C2orf66: variants seen among roughly 807,000 people sequenced by gnomAD.
C2orf66 encodes chromosome 2 open reading frame 66, also known as uncharacterized protein C2orf66.
Under a neutral mutation model 7.0 loss-of-function variants are expected in C2orf66, and 6 were observed. The observed-to-expected ratio is 0.86, with a 90% CI of 0.47 to 1.69. C2orf66 has a LOEUF of 1.69. C2orf66 is among the 40% of genes most tolerant of loss of function. The pLI is 0.01. For synonymous variants in C2orf66, 38 were observed against 43.8 expected (o/e 0.87, Z 0.52); for missense variants, 107 against 112.0 (o/e 0.96, Z 0.20).
In C2orf66 at chr2:196,804,466, C is replaced by CT. The variant is rs1699797872; in HGVS notation, c.*961_*962insA. ...TTCATATACAATATCAATAATCCAC[C>CT]CAAAAAAGCCACATTAAAATATTTT... On this transcript the variant is annotated 3_prime_UTR_variant, in exon 3 of 3. Coordinates refer to ENST00000342506, the MANE Select transcript of C2orf66 (RefSeq NM_213608.3). Among the ~76,000 whole-genome samples, 2 of 152,090 alleles carry CT rather than the reference C, an allele frequency of 1.3e-5. No individual in the cohort carries two copies. The highest frequency in any genetic ancestry group is 2.9e-5 in the Non-Finnish European group (2 of 68,026).
upstream of C2orf66, chr2:196,809,359 G>C (rs560611721): frequency 2.5e-6 from 4 of 1,613,132 alleles, no homozygotes; most frequent in Non-Finnish European, 3.4e-6. Context: ...CTGAGTGAAA[G>C]AGGGGATGCG....
chr2:196,820,734 G>T, the C2orf66 span, among the ~76,000 whole-genome samples: 1 of 152,162 alleles, frequency 6.6e-6, no homozygotes, highest in Non-Finnish European at 1.5e-5. Flanking sequence ...TCTGTGAAAG[G>T]ATTCTGAGAT....
the C2orf66 span, among the ~76,000 whole-genome samples, chr2:196,818,922 A>G: frequency 1.4e-3 from 217 of 152,302 alleles, no homozygotes; most frequent in African/African-American, 5.0e-3. Context: ...TCTCCTTCTC[A>G]TGGTATCTGG....
chr2:196,806,858 C>T (rs927208081), intron 2 of C2orf66, among the ~76,000 whole-genome samples: 4 of 151,750 alleles, frequency 2.6e-5, no homozygotes, highest in Non-Finnish European at 4.4e-5. Context: ...TCTACCTCAA[C>T]AACAACAAAA....
upstream of C2orf66, among the ~76,000 whole-genome samples, chr2:196,811,317 G>A (rs1436117408): frequency 6.6e-6 from 1 of 152,198 alleles, no homozygotes; most frequent in Non-Finnish European, 1.5e-5. Context: ...GGTTATTCTG[G>A]TTGCAGTGGG....
chr2:196,809,286 C>G lies in C2orf66; in HGVS notation c.51G>C (p.Gly17=). Residue 17 remains glycine, a synonymous_variant, in exon 1 of 3, where the codon GGG becomes GGC. Coordinates refer to ENST00000342506, the MANE Select transcript of C2orf66 (RefSeq NM_213608.3). ...LLLCVALVLL[G]HVNGATVRNE... ...TTCTTACTGTGGCTCCATTCACATG[C>G]CCAAGCAGCACCAGGGCAACACATA... The G allele has an allele frequency of 6.2e-7, 1 of 1,614,076 alleles. No individual in the cohort carries two copies. Among genetic ancestry groups the G allele is most frequent in the Non-Finnish European group, 8.5e-7 (1 of 1,180,002 alleles).
In C2orf66 at chr2:196,807,585, C is replaced by A. The variant is rs1699831748; in HGVS notation, c.161G>T (p.Gly54Val). Residue 54 changes from glycine to valine, a missense_variant, in exon 2 of 3, where the codon GGT (glycine) becomes GTT (valine). Physicochemically the swap from Gly to Val is moderately radical, Grantham distance 109. Coordinates refer to ENST00000342506, the MANE Select transcript of C2orf66 (RefSeq NM_213608.3). Reference protein sequence around the residue: ...RRLQAYFKGRGLDLGTFPNPF... With the variant: ...RRLQAYFKGRVLDLGTFPNPF... Reference sequence around the variant, plus strand: ...ATTTGGAAATGTTCCAAGATCAAGACCTCTGCCCTTAAAATATGCCTGAAG... The same window carrying A: ...ATTTGGAAATGTTCCAAGATCAAGAACTCTGCCCTTAAAATATGCCTGAAG... The A allele has an allele frequency of 1.2e-6, 2 of 1,613,256 alleles. No homozygotes were observed.
chr2:196,808,197 G>C (rs537812188), intron 1 of C2orf66, among the ~76,000 whole-genome samples: 21 of 152,328 alleles, frequency 1.4e-4, no homozygotes, highest in Admixed American at 1.2e-3. Context: ...GCTCCTGCCA[G>C]AACAAGGCTA....
At chr2:196,806,209 T>C (rs537591479) in intron 2 of C2orf66, among the ~76,000 whole-genome samples, 1 of 152,226 alleles carries the variant, frequency 6.6e-6, no homozygotes, top group Admixed American at 6.5e-5. Context: ...CTTGTTCTTA[T>C]TTTTTTGAGA....
At chr2:196,817,925 G>A in the C2orf66 span, among the ~76,000 whole-genome samples, 2 of 152,012 alleles carry the variant, frequency 1.3e-5, no homozygotes, top group Non-Finnish European at 2.9e-5. Flanking sequence ...CTGTTATTCT[G>A]TTCTTTTTCA....
chr2:196,809,149 T>C, intron 1 of C2orf66, 65 bp downstream of exon 1: 1 of 1,471,236 alleles, frequency 6.8e-7, no homozygotes, highest in Non-Finnish European at 9.2e-7. Flanking sequence ...AACAGAATGC[T>C]GTGTGCGTAA....
chr2:196,819,497 T>G, the C2orf66 span, among the ~76,000 whole-genome samples: 1 of 152,112 alleles, frequency 6.6e-6, no homozygotes, highest in Non-Finnish European at 1.5e-5. Flanking sequence ...AGATTTCCAG[T>G]CTCCAGAACT....
At chr2:196,812,599 A>G (rs926393256), upstream of C2orf66, among the ~76,000 whole-genome samples, 2 of 152,194 alleles carry the variant, frequency 1.3e-5, no homozygotes, top group Non-Finnish European at 2.9e-5. Flanking sequence ...CAGGCAAGAG[A>G]AAGAAATAAA....
chr2:196,808,484 C>G (rs1699839556), intron 1 of C2orf66, among the ~76,000 whole-genome samples: 1 of 152,112 alleles, frequency 6.6e-6, no homozygotes, highest in Admixed American at 6.6e-5. Flanking sequence ...ACTTTTGTTG[C>G]CATCTGCTGG....
chr2:196,807,642 G>A lies in C2orf66; in HGVS notation c.124-20C>T, dbSNP rs1269493549. 1.3e-6 allele frequency: 2 copies of A among 1,586,124 alleles called. 1 individual carries two copies. Among genetic ancestry groups the A allele is most frequent in the Middle Eastern group, 3.3e-4 (2 of 5,996 alleles). Reference sequence around the variant, plus strand: ...GAAAAACTAAAGAGAGAAAGAAAATGGTCAATGCCAGATATAAATGAAACA... The same window carrying A: ...GAAAAACTAAAGAGAGAAAGAAAATAGTCAATGCCAGATATAAATGAAACA... On this transcript the variant is annotated intron_variant, in intron 1 of 2. Transcript: ENST00000342506.
At chr2:196,806,530 G>T (rs2125757577) in intron 2 of C2orf66, among the ~76,000 whole-genome samples, 1 of 151,322 alleles carries the variant, frequency 6.6e-6, no homozygotes, top group South Asian at 2.1e-4. Flanking sequence ...GGTAGGTGTT[G>T]GTTTGATAGG....
the C2orf66 span, among the ~76,000 whole-genome samples, chr2:196,829,669 G>A: frequency 1.7e-3 from 252 of 151,840 alleles, 2 homozygotes; most frequent in Non-Finnish European, 4.1e-4. Context: ...GTGCCGAGGC[G>A]GGCGGATCAC....
upstream of C2orf66, among the ~76,000 whole-genome samples, chr2:196,812,537 C>G (rs1699887288): frequency 6.6e-6 from 1 of 152,156 alleles, no homozygotes; most frequent in Non-Finnish European, 1.5e-5. Context: ...CAAGGATGCC[C>G]TCTTTCACCA....
chr2:196,828,230 T>TCTCA, the C2orf66 span, among the ~76,000 whole-genome samples: 198 of 125,150 alleles, frequency 1.6e-3, 1 homozygote, highest in African/African-American at 3.6e-3. Context: ...TCTCTCTCTC[T>TCTCA]CACACACACA....
Sources: gnomAD v4.1 joint callset for allele counts (sites outside exome capture counted in the v4.1 genomes callset) on GRCh38, gnomAD v4.1.1 for gene constraint, MANE v1.5 for transcripts, NCBI Gene and HGNC (gene_info 2026-07-23, HGNC 2026-07-21) for gene names.